NMU: variants seen among roughly 807,000 people sequenced by gnomAD.
NMU encodes the protein neuromedin-U.
Under a neutral mutation model 35.4 loss-of-function variants are expected in NMU, and 29 were observed. The ratio of observed to expected loss-of-function variants is 0.82; its 90% CI spans 0.61 to 1.12. NMU has a LOEUF of 1.12. Ranked by LOEUF, NMU falls within the 50% of genes most tolerant of loss-of-function variation. NMU has a pLI of 0.00. For synonymous variants in NMU, 78 were observed against 81.3 expected (o/e 0.96, Z 0.22); for missense variants, 199 against 206.2 (o/e 0.97, Z 0.21).
At position 55,636,043 on chromosome 4, in the gene NMU, G is replaced by A; in HGVS notation, c.112+38C>T. On this transcript the variant is annotated intron_variant, in intron 1 of 9. Coordinates refer to ENST00000264218, the MANE Select transcript of NMU (RefSeq NM_006681.4). The surrounding 1 kb of genome is among the most constrained non-coding windows in gnomAD (Gnocchi z 4.0). ...GGTGAGTGGAGCCAGAGAGAGGCGC[G>A]CATGGCGTGGAAGCGGCCGGGTGCG... 1 of 1,532,584 alleles carries A rather than the reference G, an allele frequency of 6.5e-7. No individual in the cohort carries two copies. The allele number at this position is 1,532,584 out of a possible 1,614,324, so 94.9% of individuals were successfully genotyped here. A position where few individuals can be genotyped will look rare whatever the true frequency, so the allele number is the denominator to read the frequency against.
intron 2 of NMU, among the ~76,000 whole-genome samples, chr4:55,619,904 C>A (rs914117178): frequency 3.1e-5 from 4 of 129,024 alleles, no homozygotes; most frequent in African/African-American, 1.1e-4. Flanking sequence ...AGCAGGGGCA[C>A]ACTGACACCT....
At position 55,610,613 on chromosome 4, in the gene NMU, T is replaced by A. The variant is rs1733895458; in HGVS notation, c.220-1434A>T. Among the ~76,000 whole-genome samples the A allele has an allele frequency of 2.6e-5, 4 of 152,192 alleles. No homozygotes were observed. The South Asian group carries it at 8.3e-4, about 32-fold the overall frequency. ...AGTTGACAGTTTTTCTGTGCACCCTTCCTAGCATCAGAGGCCTGCTTTGTT... is the reference window on the plus strand; with the variant it reads ...AGTTGACAGTTTTTCTGTGCACCCTACCTAGCATCAGAGGCCTGCTTTGTT... On this transcript the variant is annotated intron_variant, in intron 3 of 9. Transcript: ENST00000264218.
chr4:55,629,830 TC>T (rs1201201869), intron 2 of NMU, among the ~76,000 whole-genome samples: 1 of 152,130 alleles, frequency 6.6e-6, no homozygotes, highest in Non-Finnish European at 1.5e-5. Flanking sequence ...CCTATTTTTT[TC>T]CCTGAAGGTC....
At chr4:55,601,202 A>G (rs115912599) in intron 7 of NMU, among the ~76,000 whole-genome samples, 2,063 of 152,192 alleles carry the variant, frequency 0.014, 52 homozygotes, top group African/African-American at 0.046. Flanking sequence ...TAAACATTTC[A>G]TTTTAAGCTT....
chr4:55,608,453 G>T (rs1287839815), intron 4 of NMU, among the ~76,000 whole-genome samples: 2 of 152,052 alleles, frequency 1.3e-5, no homozygotes, highest in East Asian at 3.8e-4. Flanking sequence ...GAAAGGTATG[G>T]AAGTCAGAGT....
chr4:55,605,101 G>A (rs373750725), intron 7 of NMU, among the ~76,000 whole-genome samples, 174 bp downstream of exon 7: 6 of 152,092 alleles, frequency 3.9e-5, no homozygotes, highest in East Asian at 1.9e-4. Flanking sequence ...ATGGAAGGGC[G>A]GCTTGAACAA....
intron 7 of NMU, among the ~76,000 whole-genome samples, chr4:55,603,930 T>A (rs1328138611): frequency 0.044 from 1,974 of 45,328 alleles, 269 homozygotes; most frequent in South Asian, 0.055. Context: ...AAAAAAAATA[T>A]ATATATATAT....
At chr4:55,601,288 A>C (rs140252884) in intron 7 of NMU, among the ~76,000 whole-genome samples, 1 of 152,212 alleles carries the variant, frequency 6.6e-6, no homozygotes, top group East Asian at 1.9e-4. Flanking sequence ...TTTCATTAAC[A>C]ATTACCTATA....
chr4:55,617,270 G>C (rs1243179871), intron 2 of NMU, among the ~76,000 whole-genome samples: 1 of 152,128 alleles, frequency 6.6e-6, no homozygotes, highest in African/African-American at 2.4e-5. Flanking sequence ...TTGCTTCCAA[G>C]TTGAACATGT....
chr4:55,616,604 A>G (rs1425742541), intron 2 of NMU, among the ~76,000 whole-genome samples: 1 of 152,200 alleles, frequency 6.6e-6, no homozygotes, highest in East Asian at 1.9e-4. Flanking sequence ...ATACGTCTCT[A>G]GTGACTGCTG....
chr4:55,607,534 T>A, intron 4 of NMU, 68 bp from the exon 5 acceptor site: 1 of 574,124 alleles, frequency 1.7e-6, no homozygotes. Context: ...ATACAGTAAT[T>A]TTATAATGTT....
chr4:55,629,232 T>G (rs1435156919), intron 2 of NMU, among the ~76,000 whole-genome samples: 1 of 152,194 alleles, frequency 6.6e-6, no homozygotes, highest in Non-Finnish European at 1.5e-5. Context: ...AACGAGAATG[T>G]GTATACTATT....
In NMU at chr4:55,599,160, C is replaced by A. The variant is rs1348070703; in HGVS notation, c.511G>T (p.Ala171Ser). 1 of 1,606,176 alleles carries A rather than the reference C, an allele frequency of 6.2e-7. No individual in the cohort carries two copies. The highest frequency in any genetic ancestry group is 2.2e-5 in the East Asian group (1 of 44,762). Reference protein sequence around the residue: ...LFRPRNGRRSAGFI With the variant: ...LFRPRNGRRSSGFI ...CACATACCATTTTAAATGAACCCTG[C>A]TGACCTTCTTCCATTCCGTGGCTGA... Residue 171 changes from alanine to serine, a missense_variant, in exon 9 of 10, where the codon GCA (alanine) becomes TCA (serine). Coordinates refer to ENST00000264218, the MANE Select transcript of NMU (RefSeq NM_006681.4).
chr4:55,635,774 TC>T (rs1199284018), intron 1 of NMU, among the ~76,000 whole-genome samples: 1 of 152,210 alleles, frequency 6.6e-6, no homozygotes, highest in Non-Finnish European at 1.5e-5. Flanking sequence ...GGTCTGGAAA[TC>T]CCGAGGATGA....
intron 3 of NMU, among the ~76,000 whole-genome samples, chr4:55,612,350 T>C (rs1025416370): frequency 1.3e-5 from 2 of 152,142 alleles, no homozygotes; most frequent in Non-Finnish European, 2.9e-5. Flanking sequence ...TGGCGAGCTA[T>C]AATTGTACCA....
At chr4:55,604,679 A>ATATTTTTTTTTTTTTTTTT (rs1553909885) in intron 7 of NMU, among the ~76,000 whole-genome samples, 13 of 47,616 alleles carry the variant, frequency 2.7e-4, no homozygotes, top group African/African-American at 1.5e-3. Context: ...TGCCTGGCTA[A>ATATTTTTTTTTTTTTTTTT]TTTTTTTTTT....
intron 9 of NMU, 122 bp downstream of exon 9, chr4:55,599,020 G>A (rs1353704798): frequency 6.0e-6 from 4 of 670,720 alleles, no homozygotes; most frequent in Non-Finnish European, 1.1e-5. Context: ...TCAAATAATA[G>A]AAATACATTT....
rs1362274869 is a variant in NMU at position 55,595,232 on chromosome 4, AT to A, written c.*183del. On this transcript the variant is annotated 3_prime_UTR_variant, in exon 10 of 10. Coordinates refer to ENST00000264218, the MANE Select transcript of NMU (RefSeq NM_006681.4). ...TCTCATTAAAACACTAAGCAAAAAT[AT>A]TTTTAGATTTTTTAATTTTCAACAA... The A allele has an allele frequency of 9.8e-5, 15 of 152,602 alleles. No homozygotes were observed. Among genetic ancestry groups the A allele is most frequent in the African/African-American group, 3.4e-4 (14 of 41,534 alleles). The allele number at this position is 152,602 out of a possible 1,614,324, so 9.5% of individuals were successfully genotyped here.
chr4:55,634,184 T>C (rs897608600), intron 1 of NMU, among the ~76,000 whole-genome samples: 5 of 151,784 alleles, frequency 3.3e-5, no homozygotes, highest in Non-Finnish European at 7.4e-5. Context: ...GGGTTTTGTT[T>C]ATGTATGTCA....
Sources: gnomAD v4.1 joint callset for allele counts (sites outside exome capture counted in the v4.1 genomes callset) on GRCh38, gnomAD v4.1.1 for gene constraint, Gnocchi (gnomAD v3.1) non-coding constraint, MANE v1.5 for transcripts, NCBI Gene and HGNC (gene_info 2026-07-23, HGNC 2026-07-21) for gene names.